Variants in SBF1 observed in about 807,000 individuals in gnomAD.
The protein encoded by SBF1 is myotubularin-related protein 5.
Under a neutral mutation model 215.8 loss-of-function variants are expected in SBF1, and 65 were observed. The observed-to-expected ratio is 0.30, with a 90% CI of 0.25 to 0.37. The LOEUF is 0.37. Among genes scored for constraint, SBF1 ranks in the 10% least tolerant of loss-of-function variants. The probability of loss-of-function intolerance (pLI) is 1.00; values close to 1 mark genes in which losing one functional copy is unlikely to be tolerated. For missense variants in SBF1, 2,634 were observed against 2,667.8 expected (o/e 0.99, Z 0.28); for synonymous variants, 1,410 against 1,122.8 (o/e 1.26, Z -5.11).
chr22:50,457,077 G>A lies in SBF1; in HGVS notation c.3861C>T (p.Ser1287=). 6.7e-7 allele frequency: 1 copy of A among 1,488,908 alleles called. No individual in the cohort carries two copies. The highest frequency in any genetic ancestry group is 1.4e-5 in the South Asian group (1 of 72,248). The allele number at this position is 1,488,908 out of a possible 1,614,324, so 92.2% of individuals were successfully genotyped here. The change falls in exon 29 of 41, where the codon TCC becomes TCT. Residue 1287 remains serine, a synonymous_variant. Coordinates refer to ENST00000380817, the MANE Select transcript of SBF1 (RefSeq NM_002972.4). ...PSPRARVTTL[S]NPMAASASRR... ...TGGAGGCCGAGGCCGCCATGGGGTTGGACAGCGTGGTGACCCTGGCTCTGG... is the reference window on the plus strand; with the variant it reads ...TGGAGGCCGAGGCCGCCATGGGGTTAGACAGCGTGGTGACCCTGGCTCTGG...
In SBF1 at chr22:50,461,699, C is replaced by A. The variant is rs201519518; in HGVS notation, c.2663G>T (p.Arg888Leu). Residue 888 changes from arginine (R) to leucine (L), a missense_variant, in exon 22 of 41, where the codon CGC (arginine) becomes CTC (leucine). Coordinates refer to ENST00000380817, the MANE Select transcript of SBF1 (RefSeq NM_002972.4). ...PIQKPKLLRP[R>L]LLPGEECVLD... ...CACACACTCCTCACCCGGCAGCAGG[C>A]GCGGCCGCAGCAGCTTGGGCTGCTC... 10 of 1,609,436 alleles carry A rather than the reference C, an allele frequency of 6.2e-6. No homozygotes were observed. The highest frequency in any genetic ancestry group is 1.6e-4 in the Middle Eastern group (1 of 6,076).
chr22:50,466,322 G>C, intron 7 of SBF1, 28 bp downstream of exon 7: 1 of 1,601,152 alleles, frequency 6.2e-7, no homozygotes, highest in South Asian at 1.1e-5. Flanking sequence ...GCCAGGAGAA[G>C]GGGCTGGGAG....
rs71198252 is a variant in SBF1, at chr22:50,474,965, C to CGCGGCG, written c.-131_-126dup. ...CACCCCGGACACCCCTGGTTCGCTC[C>CGCGGCG]GCGGCGGCGGCGGCGGCGGCGGCGG... On this transcript the variant is annotated 5_prime_UTR_variant, in exon 1 of 41. Transcript: ENST00000380817. 4.8e-4 allele frequency: 134 copies of CGCGGCG among 276,826 alleles called. 1 individual carries two copies. Among genetic ancestry groups the CGCGGCG allele is most frequent in the East Asian group, 3.4e-3 (23 of 6,798 alleles). 17.1% of individuals were successfully genotyped at this position (276,826 alleles called of 1,614,324 possible). A position where few individuals can be genotyped will look rare whatever the true frequency, so the allele number is the denominator to read the frequency against.
Position 50,447,683 on chromosome 22 carries a change from C to A in SBF1, c.5364-74G>T, listed in dbSNP as rs1366868059. On this transcript the variant is annotated intron_variant, in intron 38 of 40. Transcript: ENST00000380817. ...AAGCCCAGGCCCCAGCAGTCGTCCC[C>A]CCCTTGCTGTCCCAGCCCAGGAGGT... 3 of 1,124,422 alleles carry A rather than the reference C, an allele frequency of 2.7e-6. No homozygotes were observed. In the East Asian group the frequency reaches 7.8e-5, roughly 29 times the overall value. 69.7% of individuals were successfully genotyped at this position (1,124,422 alleles called of 1,614,324 possible).
intron 28 of SBF1, among the ~76,000 whole-genome samples, chr22:50,458,569 G>C (rs1193829593): frequency 6.6e-6 from 1 of 152,206 alleles, no homozygotes; most frequent in East Asian, 1.9e-4. Flanking sequence ...TAAAATGTAA[G>C]TATATAATGT....
At position 50,447,014 on chromosome 22, in the gene SBF1, C is replaced by G. The variant is rs1024262316; in HGVS notation, c.*128G>C. 1.1e-5 allele frequency: 9 copies of G among 849,068 alleles called. No individual in the cohort carries two copies. The highest frequency in any genetic ancestry group is 1.7e-5 in the Non-Finnish European group (9 of 523,840). The allele number at this position is 849,068 out of a possible 1,614,324, so 52.6% of individuals were successfully genotyped here. ...GGGGCGGGGACGGGGGCTGTACACACAAGTGCTGGGGGCTCGGGGCCTCAA... is the reference window on the plus strand; with the variant it reads ...GGGGCGGGGACGGGGGCTGTACACAGAAGTGCTGGGGGCTCGGGGCCTCAA... On this transcript the variant is annotated 3_prime_UTR_variant, in exon 41 of 41. Transcript: ENST00000380817.
chr22:50,456,284 A>G lies in SBF1; in HGVS notation c.4198T>C (p.Cys1400Arg). The part of the protein sequence containing the change: ...KKLLKACVPG[C>R]PAAEPSPASF... ...GCTGGGCTGGGCTCAGCAGCGGGGC[A>G]GCCTGGGACACATGCTTTCAGCAGC... Residue 1400 changes from cysteine (C) to arginine (R), a missense_variant, in exon 31 of 41, where the codon TGC becomes CGC. By Grantham distance (180) the Cys-to-Arg change is radical. Coordinates refer to ENST00000380817, the MANE Select transcript of SBF1 (RefSeq NM_002972.4). The G allele has an allele frequency of 6.2e-7, 1 of 1,612,806 alleles. No individual in the cohort carries two copies. Among genetic ancestry groups the G allele is most frequent in the South Asian group, 1.1e-5 (1 of 91,006 alleles).
In SBF1 at chr22:50,448,647, G is replaced by A. The variant is rs776198448; in HGVS notation, c.5047C>T (p.Leu1683=). Reference sequence around the variant, plus strand: ...CCCAACTCTGTCTCCAGCCTCTGCAGCTCCTGGGGGAAGAATTAATGGCAA... The same window carrying A: ...CCCAACTCTGTCTCCAGCCTCTGCAACTCCTGGGGGAAGAATTAATGGCAA... ...PDAISRLLEE[L]QRLETELGQP... is the part of the protein sequence containing the mutation. The change falls in exon 37 of 41, where the codon CTG becomes TTG. Residue 1683 remains leucine (L), a synonymous_variant. Coordinates refer to ENST00000380817, the MANE Select transcript of SBF1 (RefSeq NM_002972.4). 3.1e-6 allele frequency: 5 copies of A among 1,608,580 alleles called. No individual in the cohort carries two copies. Among genetic ancestry groups the A allele is most frequent in the Non-Finnish European group, 3.4e-6 (4 of 1,178,290 alleles).
Position 50,462,489 on chromosome 22 carries a change from A to C in SBF1, c.2128-16T>G. On this transcript the variant is annotated splice_polypyrimidine_tract_variant and intron_variant, in intron 18 of 40. Coordinates refer to ENST00000380817, the MANE Select transcript of SBF1 (RefSeq NM_002972.4). ...CCCCAACCTCCTGCCACGGCACCAC[A>C]CGCATGAGCCGGGGCCACGCTGCCC... 6.2e-7 allele frequency: 1 copy of C among 1,612,594 alleles called. No individual in the cohort carries two copies. The highest frequency in any genetic ancestry group is 8.5e-7 in the Non-Finnish European group (1 of 1,179,590).
rs1451562840 is a variant in SBF1, at chr22:50,465,325, T to C, written c.1093A>G (p.Lys365Glu). The stretch of plus-strand genomic sequence containing the variant: ...CGCAGGAAGACCGCGCGCAGCTCCT[T>C]GTCCTGGGAGAAGAGCTGAGTGCAG... Reference protein sequence around the residue: ...TSTSSLKMQDKELRAVFLRLF... With the variant: ...TSTSSLKMQDEELRAVFLRLF... The change falls in exon 11 of 41, where the codon AAG (lysine) becomes GAG (glutamate). Residue 365 changes from lysine (K) to glutamate (E), a missense_variant. Lys to Glu is a moderately conservative substitution (Grantham distance 56). Coordinates refer to ENST00000380817, the MANE Select transcript of SBF1 (RefSeq NM_002972.4). The C allele has an allele frequency of 3.8e-6, 6 of 1,583,304 alleles. No individual in the cohort carries two copies. The highest frequency in any genetic ancestry group is 1.1e-5 in the South Asian group (1 of 87,220).
At chr22:50,460,474 A>T in intron 24 of SBF1, 60 bp downstream of exon 24, 1 of 1,607,962 alleles carries the variant, frequency 6.2e-7, no homozygotes, top group Non-Finnish European at 8.5e-7. Flanking sequence ...GGGGCCTAGG[A>T]GGGTTGGAGC....
intron 26 of SBF1, 141 bp from the exon 27 acceptor site, chr22:50,459,807 C>G: frequency 1.5e-6 from 2 of 1,330,908 alleles, no homozygotes; most frequent in Non-Finnish European, 2.1e-6. Context: ...CCAGCCACCC[C>G]CCAGCCCTGT....
rs752195167 is a variant in SBF1, at chr22:50,462,491, G to A, written c.2128-18C>T. 5.2e-5 allele frequency: 84 copies of A among 1,612,518 alleles called. No homozygotes were observed. In the Middle Eastern group the frequency reaches 2.1e-3, roughly 41 times the overall value. On this transcript the variant is annotated intron_variant, in intron 18 of 40. Coordinates refer to ENST00000380817, the MANE Select transcript of SBF1 (RefSeq NM_002972.4). ...CCAACCTCCTGCCACGGCACCACAC[G>A]CATGAGCCGGGGCCACGCTGCCCCA...
At chr22:50,467,104 G>A in intron 5 of SBF1, 2 of 594,972 alleles carry the variant, frequency 3.4e-6, no homozygotes, top group Non-Finnish European at 6.0e-6. Context: ...TCCAGAGACA[G>A]GCACACACCA....
At chr22:50,470,808 G>A (rs1018695791) in intron 1 of SBF1, among the ~76,000 whole-genome samples, 3 of 152,128 alleles carry the variant, frequency 2.0e-5, no homozygotes, top group Admixed American at 6.5e-5. Flanking sequence ...GGCACCTTCC[G>A]GAGCCCCAGG....
intron 1 of SBF1, among the ~76,000 whole-genome samples, chr22:50,472,178 T>C (rs1712914759): frequency 6.6e-6 from 1 of 152,150 alleles, no homozygotes; most frequent in South Asian, 2.1e-4. Context: ...CATCACTCTC[T>C]GAGGTGAAAG....
chr22:50,459,671 G>C lies in SBF1; in HGVS notation c.3492-5C>G. 6.3e-7 allele frequency: 1 copy of C among 1,597,092 alleles called. No homozygotes were observed. On this transcript the variant is annotated splice_region_variant and splice_polypyrimidine_tract_variant and intron_variant, in intron 26 of 40. Coordinates refer to ENST00000380817, the MANE Select transcript of SBF1 (RefSeq NM_002972.4). Reference sequence around the variant, plus strand: ...ACGATCAGCAGCCCTGGGTAGCTGAGAGGAGGCAGAGGCGTGAAGGTGGCT... The same window carrying C: ...ACGATCAGCAGCCCTGGGTAGCTGACAGGAGGCAGAGGCGTGAAGGTGGCT...
At chr22:50,472,140 G>C (rs1196518386) in intron 1 of SBF1, among the ~76,000 whole-genome samples, 1 of 152,178 alleles carries the variant, frequency 6.6e-6, no homozygotes, top group East Asian at 1.9e-4. Flanking sequence ...CCAGGTGAGG[G>C]GCCTGCAGAT....
At chr22:50,463,754 T>G (rs1349534875) in intron 15 of SBF1, among the ~76,000 whole-genome samples, 1 of 152,250 alleles carries the variant, frequency 6.6e-6, no homozygotes, top group African/African-American at 2.4e-5. Flanking sequence ...GTGACTCGCC[T>G]GGCACAGGCC....
Sources: gnomAD v4.1 joint callset for allele counts (sites outside exome capture counted in the v4.1 genomes callset) on GRCh38, gnomAD v4.1.1 for gene constraint, MANE v1.5 for transcripts, NCBI Gene and HGNC (gene_info 2026-07-23, HGNC 2026-07-21) for gene names.